Variants in FBXL18 observed in about 807,000 individuals in gnomAD.
The protein encoded by FBXL18 is F-box/LRR-repeat protein 18.
Under a neutral mutation model 46.0 loss-of-function variants are expected in FBXL18, and 36 were observed. The observed-to-expected ratio is 0.78, with a 90% confidence interval of 0.60 to 1.03. The LOEUF is 1.03. FBXL18 is among the 50% of genes least tolerant of loss of function. FBXL18 has a pLI of 0.00. For missense variants in FBXL18, 977 were observed against 1,004.1 expected (o/e 0.97, Z 0.36); for synonymous variants, 557 against 465.3 (o/e 1.20, Z -2.54).
chr7:5,513,002 C>A (rs1370264967), intron 1 of FBXL18, among the ~76,000 whole-genome samples: 2 of 152,264 alleles, frequency 1.3e-5, no homozygotes, highest in South Asian at 2.1e-4. Flanking sequence ...GGTGCCCATA[C>A]AGATAGGCAG....
Position 5,512,201 on chromosome 7 carries a change from C to T in FBXL18, c.18+1456G>A, listed in dbSNP as rs182637930. On this transcript the variant is annotated intron_variant, in intron 1 of 4. Transcript: ENST00000382368. ...CGGAGCTTGCAATGAGCCGAGATCA[C>T]GCCACTGCACTCCACCCTGGGCAAC... Among the ~76,000 whole-genome samples, 726 of 149,210 alleles carry T rather than the reference C, an allele frequency of 4.9e-3. 7 individuals carry two copies. Among genetic ancestry groups the T allele is most frequent in the Middle Eastern group, 0.01 (3 of 290 alleles).
intron 4 of FBXL18, among the ~76,000 whole-genome samples, chr7:5,463,728 A>ATTTATTTTTTTTTTTTTTTTT (rs1562672288): frequency 9.4e-5 from 5 of 53,034 alleles, no homozygotes; most frequent in Non-Finnish European, 1.7e-4. Flanking sequence ...TTATTTATTT[A>ATTTATTTTTTTTTTTTTTTTT]TTTTTTTTTT....
Position 5,501,009 on chromosome 7 carries a change from C to A in FBXL18, c.1260G>T (p.Leu420=). 6.3e-7 allele frequency: 1 copy of A among 1,594,322 alleles called. No homozygotes were observed. Among genetic ancestry groups the A allele is most frequent in the African/African-American group, 1.3e-5 (1 of 74,720 alleles). The change falls in exon 3 of 5, where the codon CTG becomes CTT. Residue 420 remains leucine, a synonymous_variant. Coordinates refer to ENST00000382368, the MANE Select transcript of FBXL18 (RefSeq NM_024963.6). ...ARLRHLRSLS[L]PVCSVADSAP... Reference sequence around the variant, plus strand: ...CGGAGTCAGCGACAGAGCAGACAGGCAGGGAGAGGGAGCGCAGGTGACGCA... The same window carrying A: ...CGGAGTCAGCGACAGAGCAGACAGGAAGGGAGAGGGAGCGCAGGTGACGCA...
At chr7:5,491,104 G>A in intron 4 of FBXL18, 127 bp downstream of exon 4, 1 of 868,368 alleles carries the variant, frequency 1.2e-6, no homozygotes. Flanking sequence ...CTTTCACCCT[G>A]TCACTGCCTG....
chr7:5,506,412 G>A (rs898858632), intron 1 of FBXL18, among the ~76,000 whole-genome samples: 4 of 151,106 alleles, frequency 2.6e-5, no homozygotes, highest in Non-Finnish European at 4.4e-5. Flanking sequence ...CCACGCCCAC[G>A]CCCGGCTAAT....
rs1784256338 is a variant in FBXL18 at position 5,501,531 on chromosome 7, C to T, written c.738G>A (p.Val246=). ...TAAGCACAGCCAGGTAGAGCCGCAC[C>T]ACCTCCTGGTTGATGTAGCCGGGGG... The part of the protein sequence containing the change: ...RLAPGYINQE[V]VRLYLAVLSD... Residue 246 remains valine (V), a synonymous_variant, in exon 3 of 5, where the codon GTG becomes GTA. Transcript: ENST00000382368. 1 of 1,613,920 alleles carries T rather than the reference C, an allele frequency of 6.2e-7. No homozygotes were observed. Among genetic ancestry groups the T allele is most frequent in the Non-Finnish European group, 8.5e-7 (1 of 1,180,024 alleles).
Position 5,481,852 on chromosome 7 carries a change from C to A in FBXL18, c.2080G>T (p.Val694Phe), listed in dbSNP as rs916272176. ...HEGLTDVIRD[V>F]PLVHLDEITL... ...ATCTCATCCAGGTGCACCAGGGGGA[C>A]GTCCCGGATGACGTCGGTCAGGCCC... Residue 694 changes from valine to phenylalanine, a missense_variant, in exon 5 of 5, where the codon GTC (valine) becomes TTC (phenylalanine). By Grantham distance (50) the Val-to-Phe change is conservative. Transcript: ENST00000382368. 2 of 1,613,868 alleles carry A rather than the reference C, an allele frequency of 1.2e-6. No homozygotes were observed. Among genetic ancestry groups the A allele is most frequent in the East Asian group, 2.2e-5 (1 of 44,886 alleles).
At chr7:5,485,864 G>C (rs1000725857) in intron 4 of FBXL18, among the ~76,000 whole-genome samples, 3 of 151,798 alleles carry the variant, frequency 2.0e-5, no homozygotes, top group Non-Finnish European at 4.4e-5. Flanking sequence ...GACCAGCCTG[G>C]TCAACATGGT....
intron 2 of FBXL18, among the ~76,000 whole-genome samples, chr7:5,503,283 C>A (rs1784314284): frequency 6.6e-6 from 1 of 152,136 alleles, no homozygotes; most frequent in South Asian, 2.1e-4. Context: ...ACTTGGGAGG[C>A]TGAGGCAGGA....
intron 4 of FBXL18, among the ~76,000 whole-genome samples, chr7:5,488,127 A>G (rs1421014033): frequency 6.6e-6 from 1 of 152,234 alleles, no homozygotes; most frequent in Non-Finnish European, 1.5e-5. Flanking sequence ...GGGGAACGCA[A>G]AGAGCTTACT....
At position 5,501,774 on chromosome 7, in the gene FBXL18, C is replaced by T. The variant is rs1436977917; in HGVS notation, c.495G>A (p.Glu165=). ...PGFDASQLSS[E]CKATLSRVRE... is the part of the protein sequence containing the mutation. Reference sequence around the variant, plus strand: ...GCACGCGGCTCAGGGTGGCCTTGCACTCGCTGCTCAGCTGGCTGGCGTCGA... The same window carrying T: ...GCACGCGGCTCAGGGTGGCCTTGCATTCGCTGCTCAGCTGGCTGGCGTCGA... Residue 165 remains glutamate, a synonymous_variant, in exon 3 of 5, where the codon GAG becomes GAA. Transcript: ENST00000382368. 7 of 1,560,234 alleles carry T rather than the reference C, an allele frequency of 4.5e-6. No individual in the cohort carries two copies. Among genetic ancestry groups the T allele is most frequent in the Non-Finnish European group, 6.1e-6 (7 of 1,151,958 alleles).
At chr7:5,499,907 A>T (rs1259454906) in intron 3 of FBXL18, among the ~76,000 whole-genome samples, 1 of 151,530 alleles carries the variant, frequency 6.6e-6, no homozygotes, top group African/African-American at 2.4e-5. Context: ...CAATTTTAAA[A>T]ATATATATAT....
intron 4 of FBXL18, among the ~76,000 whole-genome samples, chr7:5,461,848 GGAGAA>G (rs1562671115): frequency 3.9e-5 from 6 of 152,176 alleles, no homozygotes; most frequent in Non-Finnish European, 5.9e-5. Context: ...GGCTGAGGCA[GGAGAA>G]TCACTTGAGC....
intron 4 of FBXL18, among the ~76,000 whole-genome samples, chr7:5,467,096 A>C (rs1783351868): frequency 6.6e-6 from 1 of 152,220 alleles, no homozygotes; most frequent in Admixed American, 6.5e-5. Context: ...TCACGCCTGT[A>C]ATCCCAGCAC....
chr7:5,483,535 G>C (rs1783700112), intron 4 of FBXL18, among the ~76,000 whole-genome samples: 1 of 150,066 alleles, frequency 6.7e-6, no homozygotes, highest in Non-Finnish European at 1.5e-5. Flanking sequence ...ACCTGAGGTC[G>C]GGAGTTCGAG....
At position 5,501,594 on chromosome 7, in the gene FBXL18, C is replaced by T. The variant is rs767700957; in HGVS notation, c.675G>A (p.Pro225=). ...AGAAGACCCGCAGGTTCTGGTAGTG[C>T]GGCACGTTGCTCTGGCCCACCATAA... The part of the protein sequence containing the change: ...GQLMVGQSNV[P]HYQNLRVFYA... The change falls in exon 3 of 5, where the codon CCG becomes CCA. Residue 225 remains proline, a synonymous_variant. Coordinates refer to ENST00000382368, the MANE Select transcript of FBXL18 (RefSeq NM_024963.6). The T allele has an allele frequency of 1.2e-5, 19 of 1,613,722 alleles. No individual in the cohort carries two copies. In the Admixed American group the frequency reaches 1.3e-4, roughly 11 times the overall value.
At chr7:5,461,810 G>A (rs1433565038) in intron 4 of FBXL18, among the ~76,000 whole-genome samples, 4 of 152,130 alleles carry the variant, frequency 2.6e-5, no homozygotes, top group Admixed American at 6.6e-5. Context: ...GCATGATGGC[G>A]GGCGCCTGTA....
intron 4 of FBXL18, among the ~76,000 whole-genome samples, chr7:5,465,636 CAAAAAT>C (rs1263660536): frequency 6.6e-6 from 1 of 151,084 alleles, no homozygotes; most frequent in Non-Finnish European, 1.5e-5. Flanking sequence ...GACTGTGTCT[CAAAAAT>C]AAAAATAAAC....
At chr7:5,458,568 T>C (rs1320651790) in intron 4 of FBXL18, among the ~76,000 whole-genome samples, 1 of 151,874 alleles carries the variant, frequency 6.6e-6, no homozygotes, top group African/African-American at 2.4e-5. Context: ...CATTGTGGCG[T>C]CCACCTGTAA....
Sources: gnomAD v4.1 joint callset for allele counts (sites outside exome capture counted in the v4.1 genomes callset) on GRCh38, gnomAD v4.1.1 for gene constraint, MANE v1.5 for transcripts, NCBI Gene and HGNC (gene_info 2026-07-23, HGNC 2026-07-21) for gene names.